Variants in MBD5 observed in about 807,000 individuals in gnomAD.
MBD5 encodes the protein methyl-CpG binding domain protein 5, also known as methyl-CpG-binding domain protein 5.
Under a neutral mutation model 117.3 loss-of-function variants are expected in MBD5, and 13 were observed. That is an observed-to-expected ratio of 0.11 (90% CI 0.07 to 0.18). MBD5 has a LOEUF of 0.18. MBD5 is among the 10% of genes least tolerant of loss of function. MBD5 has a pLI of 1.00. For missense variants in MBD5, 1,879 were observed against 2,093.8 expected (o/e 0.90, Z 2.00); for synonymous variants, 727 against 766.4 (o/e 0.95, Z 0.85).
intron 1 of MBD5, among the ~76,000 whole-genome samples, chr2:148,041,631 GTA>G (rs1694361546): frequency 6.6e-6 from 1 of 152,022 alleles, no homozygotes; most frequent in African/African-American, 2.4e-5. Context: ...TCTTGTACCT[GTA>G]CACACGTTAC....
chr2:148,366,400 C>T (rs1273474745), intron 4 of MBD5, among the ~76,000 whole-genome samples: 2 of 152,056 alleles, frequency 1.3e-5, no homozygotes, highest in Non-Finnish European at 1.5e-5. Context: ...GGAAGCATTC[C>T]CTCTGAAAAC....
intron 1 of MBD5, among the ~76,000 whole-genome samples, chr2:148,106,085 A>C (rs1326384688): frequency 6.9e-6 from 1 of 144,738 alleles, no homozygotes; most frequent in African/African-American, 2.5e-5. Flanking sequence ...TTTTGGAAAC[A>C]TACTTAAAAA....
At chr2:148,211,235 A>C (rs1289070402) in intron 2 of MBD5, among the ~76,000 whole-genome samples, 1 of 152,108 alleles carries the variant, frequency 6.6e-6, no homozygotes, top group Non-Finnish European at 1.5e-5. Flanking sequence ...AAGGTTGTTC[A>C]AAGTTAGTTT....
At position 148,462,639 on chromosome 2, in the gene MBD5, T is replaced by C. The variant is rs1707126434; in HGVS notation, c.171T>C (p.Asp57=). 6.2e-7 allele frequency: 1 copy of C among 1,613,104 alleles called. No individual in the cohort carries two copies. Among genetic ancestry groups the C allele is most frequent in the African/African-American group, 1.3e-5 (1 of 74,892 alleles). The change falls in exon 6 of 14, where the codon GAT becomes GAC. Residue 57 remains aspartate, a synonymous_variant. Coordinates refer to ENST00000642680, the MANE Select transcript of MBD5 (RefSeq NM_001378120.1). The part of the protein sequence containing the change: ...LEQVKTYLLT[D]GTCKCGLECP... ...AGGTTAAAACATACCTGCTTACTGATGGAACATGCAAGTGTGGCTTGGAAT... is the reference window on the plus strand; with the variant it reads ...AGGTTAAAACATACCTGCTTACTGACGGAACATGCAAGTGTGGCTTGGAAT...
intron 3 of MBD5, among the ~76,000 whole-genome samples, chr2:148,288,415 G>A (rs1471731278): frequency 2.6e-4 from 33 of 128,796 alleles, no homozygotes; most frequent in Non-Finnish European, 3.0e-4. Context: ...AAAAAAAAAA[G>A]TGATTTCTTC....
chr2:148,145,770 A>T (rs980339709), intron 1 of MBD5, among the ~76,000 whole-genome samples: 7 of 152,206 alleles, frequency 4.6e-5, no homozygotes, highest in African/African-American at 1.7e-4. Context: ...GCATATGTCG[A>T]ACCAGCCTTG....
At chr2:148,364,218 CCCAGAATTTCATAT>C in intron 4 of MBD5, among the ~76,000 whole-genome samples, 1 of 152,180 alleles carries the variant, frequency 6.6e-6, no homozygotes, top group East Asian at 1.9e-4. Flanking sequence ...GAATTTTCAA[CCCAGAATTTCATAT>C]CCAGCCAAAC....
At chr2:148,425,409 A>G (rs1705746210) in intron 4 of MBD5, among the ~76,000 whole-genome samples, 2 of 152,196 alleles carry the variant, frequency 1.3e-5, no homozygotes, top group Non-Finnish European at 2.9e-5. Flanking sequence ...CTACCAACCA[A>G]AAAAAGTCCA....
At chr2:148,486,921 G>C (rs1286484545) in intron 10 of MBD5, among the ~76,000 whole-genome samples, 3 of 152,128 alleles carry the variant, frequency 2.0e-5, no homozygotes, top group Non-Finnish European at 4.4e-5. Context: ...TTGACCAGAA[G>C]CTCAGCTTCT....
chr2:148,343,651 G>A (rs1253477642), intron 4 of MBD5, among the ~76,000 whole-genome samples: 4 of 151,934 alleles, frequency 2.6e-5, no homozygotes, highest in Admixed American at 2.6e-4. Context: ...AATTGTTTAA[G>A]TTCCTTATAG....
At chr2:148,372,413 A>C (rs1703879286) in intron 4 of MBD5, among the ~76,000 whole-genome samples, 1 of 152,094 alleles carries the variant, frequency 6.6e-6, no homozygotes, top group Non-Finnish European at 1.5e-5. Flanking sequence ...CAAGCCACAC[A>C]ATCGACCTTT....
chr2:148,215,124 C>T (rs1378800462), intron 2 of MBD5, among the ~76,000 whole-genome samples: 1 of 152,192 alleles, frequency 6.6e-6, no homozygotes, highest in Non-Finnish European at 1.5e-5. Context: ...TTTTAAGCTA[C>T]TCTAATCTCC....
chr2:148,283,935 T>C (rs1218592441), intron 3 of MBD5, among the ~76,000 whole-genome samples: 1 of 152,208 alleles, frequency 6.6e-6, no homozygotes, highest in Admixed American at 6.5e-5. Flanking sequence ...TATCCTGCTT[T>C]TTACCCTGTT....
chr2:148,207,476 T>C (rs983641789), intron 2 of MBD5, among the ~76,000 whole-genome samples: 4 of 144,968 alleles, frequency 2.8e-5, no homozygotes, highest in Non-Finnish European at 4.6e-5. Context: ...CCCTTAAAAA[T>C]AGGTTACTCG....
intron 4 of MBD5, among the ~76,000 whole-genome samples, chr2:148,426,756 C>A (rs1268297381): frequency 2.0e-5 from 3 of 152,142 alleles, no homozygotes; most frequent in Non-Finnish European, 4.4e-5. Flanking sequence ...GACTTCCTGT[C>A]TAAAACACCA....
chr2:148,075,576 G>A (rs2105116071), intron 1 of MBD5, among the ~76,000 whole-genome samples: 1 of 151,384 alleles, frequency 6.6e-6, no homozygotes, highest in South Asian at 2.1e-4. Flanking sequence ...TTAGCTATGA[G>A]CATTGCACCA....
intron 1 of MBD5, among the ~76,000 whole-genome samples, chr2:148,069,771 A>T (rs1386453298): frequency 1.3e-5 from 2 of 152,156 alleles, no homozygotes; most frequent in African/African-American, 4.8e-5. Context: ...TTGAGAAGCA[A>T]GATTGTTAAG....
intron 2 of MBD5, among the ~76,000 whole-genome samples, chr2:148,211,245 T>G (rs1465147479): frequency 6.6e-6 from 1 of 152,186 alleles, no homozygotes; most frequent in Non-Finnish European, 1.5e-5. Context: ...AAAGTTAGTT[T>G]CCAGTTTCTT....
chr2:148,040,402 A>T (rs1283122839), intron 1 of MBD5, among the ~76,000 whole-genome samples: 1 of 152,092 alleles, frequency 6.6e-6, no homozygotes, highest in African/African-American at 2.4e-5. Context: ...AAATAATGTC[A>T]TGTTCATTAA....
Sources: gnomAD v4.1 joint callset for allele counts (sites outside exome capture counted in the v4.1 genomes callset) on GRCh38, gnomAD v4.1.1 for gene constraint, MANE v1.5 for transcripts, NCBI Gene and HGNC (gene_info 2026-07-23, HGNC 2026-07-21) for gene names.